NUDT3: variants seen among roughly 807,000 people sequenced by gnomAD.
NUDT3 encodes diphosphoinositol polyphosphate phosphohydrolase 1.
In NUDT3, 9 loss-of-function variants were observed where a neutral mutation model predicts 23.6. The observed-to-expected ratio is 0.38, with a 90% CI of 0.23 to 0.66. NUDT3 has a LOEUF of 0.66. Ranked by LOEUF, NUDT3 falls within the 30% of genes least tolerant of loss-of-function variation. NUDT3 has a pLI of 0.52. For missense variants in NUDT3, 172 were observed against 218.5 expected (o/e 0.79, Z 1.34); for synonymous variants, 86 against 82.6 (o/e 1.04, Z -0.22).
At chr6:34,388,175 G>A (rs952179618) in intron 1 of NUDT3, among the ~76,000 whole-genome samples, 14 of 152,098 alleles carry the variant, frequency 9.2e-5, no homozygotes, top group African/African-American at 3.1e-4. Context: ...ATGTGCAGTA[G>A]GCTATACCAT....
chr6:34,322,835 A>C (rs886953879), intron 2 of NUDT3, among the ~76,000 whole-genome samples: 1 of 152,228 alleles, frequency 6.6e-6, no homozygotes, highest in African/African-American at 2.4e-5. Context: ...CACAATAGCA[A>C]AGAGGTGGAA....
At chr6:34,378,445 C>T (rs1425416733) in intron 1 of NUDT3, among the ~76,000 whole-genome samples, 1 of 152,142 alleles carries the variant, frequency 6.6e-6, no homozygotes, top group East Asian at 1.9e-4. Context: ...TAAAAACTAC[C>T]AAAGTGATAT....
In NUDT3 at chr6:34,285,175, C is replaced by G. The variant is rs906498817; in HGVS notation, c.*3578G>C. 6.6e-6 allele frequency: 1 copy of G among 152,208 alleles called. No homozygotes were observed. The highest frequency in any genetic ancestry group is 1.5e-5 in the Non-Finnish European group (1 of 68,044). The allele number at this position is 152,208 out of a possible 1,614,324, so 9.4% of individuals were successfully genotyped here. A position where few individuals can be genotyped will look rare whatever the true frequency, so the allele number is the denominator to read the frequency against. On this transcript the variant is annotated 3_prime_UTR_variant, in exon 5 of 5. Coordinates refer to ENST00000607016, the MANE Select transcript of NUDT3 (RefSeq NM_006703.4). ...ATGGAGTGGTGGACACTTGTGAAAA[C>G]AAAACACTAACTGTTCCATCCTGTT...
intron 1 of NUDT3, among the ~76,000 whole-genome samples, chr6:34,387,673 TAAAAAAA>T (rs752125676): frequency 0.022 from 2,174 of 98,776 alleles, 57 homozygotes; most frequent in African/African-American, 0.076. Flanking sequence ...CATCTCTTTT[TAAAAAAA>T]AAAAAAAAAA....
intron 2 of NUDT3, among the ~76,000 whole-genome samples, chr6:34,328,885 A>G (rs1038207764): frequency 1.3e-5 from 2 of 152,196 alleles, no homozygotes; most frequent in African/African-American, 4.8e-5. Flanking sequence ...TTAAAAATGC[A>G]TGTTATTTCT....
intron 1 of NUDT3, among the ~76,000 whole-genome samples, chr6:34,358,185 C>CT (rs1764592629): frequency 6.6e-6 from 1 of 151,794 alleles, no homozygotes; most frequent in Non-Finnish European, 1.5e-5. Context: ...CTTCACTCTT[C>CT]TTTTTCAGAG....
intron 1 of NUDT3, among the ~76,000 whole-genome samples, chr6:34,382,586 G>A (rs1471557669): frequency 6.6e-6 from 1 of 151,188 alleles, no homozygotes; most frequent in East Asian, 2.0e-4. Flanking sequence ...CAGGAGGGCT[G>A]CTGCTTCGGT....
At chr6:34,333,509 T>C (rs75094434) in intron 2 of NUDT3, among the ~76,000 whole-genome samples, 14,604 of 152,246 alleles carry the variant, frequency 0.096, 798 homozygotes, top group Non-Finnish European at 0.12. Flanking sequence ...CAAGGAGCCA[T>C]AGCATTAGGA....
chr6:34,295,641 C>T lies in NUDT3; in HGVS notation c.255G>A (p.Glu85=). Residue 85 remains glutamate (E), a splice_region_variant and synonymous_variant, in exon 3 of 5, where the codon GAG becomes GAA. Transcript: ENST00000607016. ...GTACCAAAGATTTTAACAGACTTAC[C>T]TCAAAAATTCCAACTAATCTTCCCA... The part of the protein sequence containing the change: ...GTLGRLVGIF[E]NQERKHRTYV... The T allele has an allele frequency of 6.2e-7, 1 of 1,613,746 alleles. No homozygotes were observed. The highest frequency in any genetic ancestry group is 2.2e-5 in the East Asian group (1 of 44,844).
chr6:34,363,539 G>A (rs1446838708), intron 1 of NUDT3, among the ~76,000 whole-genome samples: 1 of 152,218 alleles, frequency 6.6e-6, no homozygotes, highest in East Asian at 1.9e-4. Flanking sequence ...AGTTGTGAGA[G>A]ATTAGAGAGT....
chr6:34,383,169 C>T (rs1765051653), intron 1 of NUDT3, among the ~76,000 whole-genome samples: 1 of 151,602 alleles, frequency 6.6e-6, no homozygotes, highest in Non-Finnish European at 1.5e-5. Flanking sequence ...CACAATCCTT[C>T]CTCCTTTTAA....
rs116469561 is a variant in NUDT3, at chr6:34,382,728, G to A, written c.99+9536C>T. On this transcript the variant is annotated intron_variant, in intron 1 of 4. Coordinates refer to ENST00000607016, the MANE Select transcript of NUDT3 (RefSeq NM_006703.4). Reference sequence around the variant, plus strand: ...TGCCTGTAATCTTAGCTACACGGGAGGCTGAGGAAGGAGGATCGCTTGAGC... The same window carrying A: ...TGCCTGTAATCTTAGCTACACGGGAAGCTGAGGAAGGAGGATCGCTTGAGC... Among the ~76,000 whole-genome samples the A allele has an allele frequency of 1.9e-3, 294 of 152,116 alleles. 1 individual carries two copies. The highest frequency in any genetic ancestry group is 3.7e-3 in the Non-Finnish European group (250 of 67,994).
At chr6:34,317,560 C>T (rs537767253) in intron 2 of NUDT3, among the ~76,000 whole-genome samples, 37 of 151,918 alleles carry the variant, frequency 2.4e-4, no homozygotes, top group Admixed American at 4.6e-4. Flanking sequence ...TTTTCTCCCA[C>T]CCCCCCAACA....
chr6:34,296,907 G>C lies in NUDT3; in HGVS notation c.211-1222C>G, dbSNP rs544835197. ...AGTGATGTGATGACAAGGAGTGGCAGGAAGAGGGATAACTTCAGTGGTTAG... is the reference window on the plus strand; with the variant it reads ...AGTGATGTGATGACAAGGAGTGGCACGAAGAGGGATAACTTCAGTGGTTAG... On this transcript the variant is annotated intron_variant, in intron 2 of 4. Transcript: ENST00000607016. Among the ~76,000 whole-genome samples the C allele has an allele frequency of 3.3e-5, 5 of 151,450 alleles. No homozygotes were observed. The South Asian group carries it at 6.3e-4, about 19-fold the overall frequency.
chr6:34,339,397 G>A (rs1561911616), intron 2 of NUDT3, among the ~76,000 whole-genome samples: 1 of 152,184 alleles, frequency 6.6e-6, no homozygotes, highest in Non-Finnish European at 1.5e-5. Flanking sequence ...AGATCCATCA[G>A]GAGAAATTCT....
At chr6:34,323,211 C>T (rs13196067) in intron 2 of NUDT3, among the ~76,000 whole-genome samples, 261 of 151,254 alleles carry the variant, frequency 1.7e-3, no homozygotes, top group Admixed American at 5.0e-3. Context: ...CCCATGTGCA[C>T]ATGTATCCCC....
chr6:34,381,721 T>C (rs1765020560), intron 1 of NUDT3, among the ~76,000 whole-genome samples: 2 of 152,300 alleles, frequency 1.3e-5, no homozygotes, highest in East Asian at 3.9e-4. Context: ...ATTTGGTTAA[T>C]GATGGCTGAA....
chr6:34,361,792 A>G (rs1333593797), intron 1 of NUDT3, among the ~76,000 whole-genome samples: 1 of 152,236 alleles, frequency 6.6e-6, no homozygotes, highest in Non-Finnish European at 1.5e-5. Flanking sequence ...GATTCCAACT[A>G]GATAACATTC....
At chr6:34,314,338 A>G (rs1284567735) in intron 2 of NUDT3, among the ~76,000 whole-genome samples, 1 of 149,944 alleles carries the variant, frequency 6.7e-6, no homozygotes, top group African/African-American at 2.5e-5. Flanking sequence ...GGACGACCTG[A>G]GGTCAGCTGT....
Sources: allele counts gnomAD v4.1 joint callset (sites outside exome capture counted in the v4.1 genomes callset), GRCh38; gene constraint gnomAD v4.1.1; transcripts MANE v1.5; gene names NCBI Gene and HGNC (gene_info 2026-07-23, HGNC 2026-07-21).